POC1B: variants seen among roughly 807,000 people sequenced by gnomAD.
The protein encoded by POC1B is POC1 centriolar protein B.
Under a neutral mutation model 60.6 loss-of-function variants are expected in POC1B, and 44 were observed. That is an observed-to-expected ratio of 0.73 (90% CI 0.57 to 0.93). The LOEUF is 0.93. POC1B is among the 40% of genes least tolerant of loss of function. The probability of loss-of-function intolerance (pLI) is 0.00; values close to 1 mark genes in which losing one functional copy is unlikely to be tolerated. For synonymous variants in POC1B, 180 were observed against 198.9 expected (o/e 0.90, Z 0.80); for missense variants, 555 against 572.3 (o/e 0.97, Z 0.31).
At chr12:89,416,802 A>G (rs1444062899), downstream of POC1B, among the ~76,000 whole-genome samples, 1 of 152,254 alleles carries the variant, frequency 6.6e-6, no homozygotes, top group African/African-American at 2.4e-5. Flanking sequence ...TTTAAAAACT[A>G]TGAGCCAAGC....
chr12:89,428,740 T>C (rs1452008894), intron 10 of POC1B: 1 of 152,236 alleles, frequency 6.6e-6, no homozygotes, highest in Non-Finnish European at 1.5e-5. Context: ...GTATTTTCAG[T>C]AGAGACGGGG....
intron 4 of POC1B, among the ~76,000 whole-genome samples, chr12:89,478,985 T>C (rs1057171767): frequency 3.3e-5 from 5 of 152,220 alleles, no homozygotes; most frequent in African/African-American, 1.2e-4. Flanking sequence ...AATTTTAACT[T>C]TTAGAAAAAT....
chr12:89,457,355 C>T (rs1592599773), intron 10 of POC1B, among the ~76,000 whole-genome samples: 1 of 152,038 alleles, frequency 6.6e-6, no homozygotes, highest in East Asian at 1.9e-4. Context: ...GTTTTCTAAC[C>T]AATTATCTAT....
At chr12:89,470,996 G>T (rs1053298192) in intron 6 of POC1B, among the ~76,000 whole-genome samples, 12 of 152,122 alleles carry the variant, frequency 7.9e-5, no homozygotes, top group Admixed American at 6.5e-4. Flanking sequence ...GTGTAAGCAG[G>T]AAGACCTAAG....
At chr12:89,491,803 A>G (rs1464853232) in intron 4 of POC1B, 133 bp downstream of exon 4, 15 of 686,302 alleles carry the variant, frequency 2.2e-5, no homozygotes, top group Admixed American at 7.0e-5. Flanking sequence ...GTTCCCGCAC[A>G]AAGCAGTCAC....
intron 4 of POC1B, among the ~76,000 whole-genome samples, chr12:89,484,128 A>G (rs1222009234): frequency 6.6e-6 from 1 of 152,230 alleles, no homozygotes; most frequent in Non-Finnish European, 1.5e-5. Context: ...ACCACAAAAC[A>G]AAAAAGACAA....
chr12:89,473,138 G>T (rs1272340956), intron 4 of POC1B, among the ~76,000 whole-genome samples: 2 of 151,890 alleles, frequency 1.3e-5, no homozygotes, highest in Non-Finnish European at 2.9e-5. Context: ...AGACAGATTT[G>T]GGTCACAGAC....
intron 10 of POC1B, among the ~76,000 whole-genome samples, chr12:89,457,859 C>T (rs1882320018): frequency 6.6e-6 from 1 of 152,138 alleles, no homozygotes; most frequent in Non-Finnish European, 1.5e-5. Context: ...TTCTCAAAGT[C>T]CCACATACCC....
chr12:89,437,863 C>T (rs912909372), intron 10 of POC1B, among the ~76,000 whole-genome samples: 30 of 151,388 alleles, frequency 2.0e-4, no homozygotes, highest in African/African-American at 7.3e-4. Context: ...GCCTGGCCAA[C>T]ATGGTGAAAC....
chr12:89,504,035 G>A (rs1158447330), intron 2 of POC1B, among the ~76,000 whole-genome samples: 1 of 129,970 alleles, frequency 7.7e-6, no homozygotes, highest in Non-Finnish European at 1.7e-5. Context: ...GGTGGGGGGC[G>A]CCTCTGCCCG....
chr12:89,416,215 G>A (rs559685789), downstream of POC1B, among the ~76,000 whole-genome samples: 1 of 152,334 alleles, frequency 6.6e-6, no homozygotes, highest in African/African-American at 2.4e-5. Context: ...TGCAATCTCT[G>A]TTGTACCAGA....
chr12:89,477,625 T>G (rs990081201), intron 4 of POC1B, among the ~76,000 whole-genome samples: 1 of 152,136 alleles, frequency 6.6e-6, no homozygotes, highest in African/African-American at 2.4e-5. Context: ...TTCTTTCTCT[T>G]CTACTTCCCC....
chr12:89,524,872 T>C, intron 2 of POC1B: 1 of 645,176 alleles, frequency 1.5e-6, no homozygotes, highest in Non-Finnish European at 2.6e-6. Context: ...GGTGGTTAGT[T>C]TGCGAAAGTC....
chr12:89,523,945 T>C (rs1197954963), intron 2 of POC1B: 2 of 1,613,322 alleles, frequency 1.2e-6, no homozygotes, highest in Non-Finnish European at 8.5e-7. Flanking sequence ...CTCTCGCTTA[T>C]TGGTCCTAAT....
chr12:89,525,504 C>G (rs1024689905), intron 1 of POC1B: 1 of 1,316,480 alleles, frequency 7.6e-7, no homozygotes, highest in African/African-American at 1.5e-5. Context: ...GGGCCCCGCC[C>G]GCTGGCCCAA....
At chr12:89,496,581 T>A (rs2135742427) in intron 3 of POC1B, among the ~76,000 whole-genome samples, 1 of 152,312 alleles carries the variant, frequency 6.6e-6, no homozygotes, top group African/African-American at 2.4e-5. Context: ...TTTTTAAAAA[T>A]CATGGCTCAA....
chr12:89,450,900 CAGAG>C (rs1882014064), intron 10 of POC1B, among the ~76,000 whole-genome samples: 1 of 152,208 alleles, frequency 6.6e-6, no homozygotes, highest in African/African-American at 2.4e-5. Context: ...ATTATTTTAA[CAGAG>C]AGAATTTAAT....
the POC1B span, among the ~76,000 whole-genome samples, chr12:89,401,508 G>A: frequency 2.5e-4 from 36 of 145,902 alleles, no homozygotes; most frequent in East Asian, 6.0e-3. Context: ...GCTTTCCCAC[G>A]ATTAGATTTT....
intron 4 of POC1B, among the ~76,000 whole-genome samples, chr12:89,487,148 A>C (rs1868678763): frequency 6.6e-6 from 1 of 152,148 alleles, no homozygotes. Context: ...GGAAAGGCCC[A>C]TGGTTCCAAC....
Sources: gnomAD v4.1 joint callset for allele counts (sites outside exome capture counted in the v4.1 genomes callset) on GRCh38, gnomAD v4.1.1 for gene constraint, MANE v1.5 for transcripts, NCBI Gene and HGNC (gene_info 2026-07-23, HGNC 2026-07-21) for gene names.